The following TSC22D2 variants were observed in gnomAD, a reference collection of about 807,000 sequenced individuals.
TSC22D2 encodes the protein TSC22 domain family member 2.
A neutral mutation model predicts 50.1 loss-of-function variants in TSC22D2; 5 were observed. The observed-to-expected ratio is 0.10, with a 90% CI of 0.05 to 0.21. The LOEUF (loss-of-function observed/expected upper bound fraction) is 0.21. Among genes scored for constraint, TSC22D2 ranks in the 10% least tolerant of loss-of-function variants. The pLI, the probability that TSC22D2 is intolerant of heterozygous loss-of-function variation, is 1.00. For synonymous variants in TSC22D2, 501 were observed against 450.1 expected (o/e 1.11, Z -1.43); for missense variants, 1,003 against 1,015.5 (o/e 0.99, Z 0.17).
At chr3:150,416,232 G>A (rs1177353597) in intron 1 of TSC22D2, among the ~76,000 whole-genome samples, 1 of 152,178 alleles carries the variant, frequency 6.6e-6, no homozygotes, top group Non-Finnish European at 1.5e-5. Context: ...TTAGTCCAGT[G>A]TGTATTTCCT....
Position 150,458,525 on chromosome 3 carries a change from A to G in TSC22D2, c.2160A>G (p.Gln720=), listed in dbSNP as rs771989640. The part of the protein sequence containing the change: ...KSLSSNDQLS[Q]LPTQQANPGS... ...TTTCAAGCAATGATCAATTATCCCA[A>G]CTCCCAACCCAACAGGCCAATCCTG... Residue 720 remains glutamine, a synonymous_variant, in exon 3 of 3, where the codon CAA becomes CAG. Coordinates refer to ENST00000688009, the MANE Select transcript of TSC22D2 (RefSeq NM_001303264.2). 36 of 1,613,918 alleles carry G rather than the reference A, an allele frequency of 2.2e-5. No individual in the cohort carries two copies. In the South Asian group the frequency reaches 3.7e-4, roughly 17 times the overall value.
At chr3:150,453,519 A>G (rs1412809448) in intron 1 of TSC22D2, among the ~76,000 whole-genome samples, 1 of 152,176 alleles carries the variant, frequency 6.6e-6, no homozygotes, top group African/African-American at 2.4e-5. Context: ...TTCTATCTGA[A>G]TCGCCTAGAG....
rs1485016469 is a variant in TSC22D2 at position 150,464,716 on chromosome 3, A to G, written c.*6080A>G. 6.6e-6 allele frequency: 1 copy of G among 152,216 alleles called. No homozygotes were observed. Among genetic ancestry groups the G allele is most frequent in the Non-Finnish European group, 1.5e-5 (1 of 68,030 alleles). 9.4% of individuals were successfully genotyped at this position (152,216 alleles called of 1,614,324 possible). A position where few individuals can be genotyped will look rare whatever the true frequency, so the allele number is the denominator to read the frequency against. ...CAGGAAACAACTTTAAATCACCAGAAAGCTTTAACATCAAATAATACTTTT... is the reference window on the plus strand; with the variant it reads ...CAGGAAACAACTTTAAATCACCAGAGAGCTTTAACATCAAATAATACTTTT... On this transcript the variant is annotated 3_prime_UTR_variant, in exon 3 of 3. Transcript: ENST00000688009.
Position 150,409,569 on chromosome 3 carries a change from C to T in TSC22D2, c.219C>T (p.Asn73=). 3 of 1,600,834 alleles carry T rather than the reference C, an allele frequency of 1.9e-6. No individual in the cohort carries two copies. Among genetic ancestry groups the T allele is most frequent in the Non-Finnish European group, 2.6e-6 (3 of 1,169,620 alleles). The change falls in exon 1 of 3, where the codon AAC becomes AAT. Residue 73 remains asparagine, a synonymous_variant. Transcript: ENST00000688009. This position sits in a 1 kb window ranked among gnomAD's most constrained non-coding sequence, Gnocchi z 7.4. ...CERSSSEETL[N]NVGDAETPGT... ...GCAGCTCTTCCGAAGAGACGCTTAACAATGTTGGGGATGCGGAGACTCCCG... is the reference window on the plus strand; with the variant it reads ...GCAGCTCTTCCGAAGAGACGCTTAATAATGTTGGGGATGCGGAGACTCCCG...
At chr3:150,457,194 C>A (rs1234498810) in intron 2 of TSC22D2, 67 bp downstream of exon 2, 23 of 1,431,904 alleles carry the variant, frequency 1.6e-5, no homozygotes, top group Non-Finnish European at 1.7e-5. Context: ...TAGCTTTTGT[C>A]AGTTTTAGAA....
At chr3:150,411,548 CAAA>C (rs1192635505) in intron 1 of TSC22D2, among the ~76,000 whole-genome samples, 1 of 151,974 alleles carries the variant, frequency 6.6e-6, no homozygotes, top group African/African-American at 2.4e-5. Context: ...ATTGTTTACT[CAAA>C]AAAAGGTGAA....
chr3:150,459,672 A>C lies in TSC22D2; in HGVS notation c.*1036A>C, dbSNP rs190978725. The stretch of plus-strand genomic sequence containing the variant: ...ACAATTTTCTTTACTGTCTAGCATG[A>C]TCTGCATGACCTATAATCTTTGAAC... On this transcript the variant is annotated 3_prime_UTR_variant, in exon 3 of 3. Coordinates refer to ENST00000688009, the MANE Select transcript of TSC22D2 (RefSeq NM_001303264.2). 2 of 145,626 alleles carry C rather than the reference A, an allele frequency of 1.4e-5. No homozygotes were observed. Among genetic ancestry groups the C allele is most frequent in the East Asian group, 4.0e-4 (2 of 4,956 alleles). The allele number at this position is 145,626 out of a possible 1,614,324, so 9.0% of individuals were successfully genotyped here.
At chr3:150,450,465 T>A (rs1013945498) in intron 1 of TSC22D2, among the ~76,000 whole-genome samples, 3 of 152,136 alleles carry the variant, frequency 2.0e-5, no homozygotes, top group South Asian at 2.1e-4. Flanking sequence ...GGTTTTTTTT[T>A]AATCATGAAA....
intron 1 of TSC22D2, among the ~76,000 whole-genome samples, chr3:150,449,392 C>T (rs1720974902): frequency 6.6e-6 from 1 of 152,140 alleles, no homozygotes; most frequent in African/African-American, 2.4e-5. Flanking sequence ...CCTGCATCTG[C>T]CTGCCTTCCC....
chr3:150,436,235 A>C (rs888228695), intron 1 of TSC22D2, among the ~76,000 whole-genome samples: 1 of 151,852 alleles, frequency 6.6e-6, no homozygotes, highest in African/African-American at 2.4e-5. Context: ...CACCCTTAAA[A>C]TTTTTTTTTG....
Position 150,461,116 on chromosome 3 carries a change from A to C in TSC22D2, c.*2480A>C, listed in dbSNP as rs550204146. On this transcript the variant is annotated 3_prime_UTR_variant, in exon 3 of 3. Transcript: ENST00000688009. ...CTTTCCTGTGTACTTTTAGAAAGTA[A>C]TTTGGCAGTATGTATCTAGAGCCTT... 1.8e-4 allele frequency: 28 copies of C among 152,318 alleles called. No homozygotes were observed. The highest frequency in any genetic ancestry group is 6.0e-4 in the African/African-American group (25 of 41,580). 9.4% of individuals were successfully genotyped at this position (152,318 alleles called of 1,614,324 possible). A position where few individuals can be genotyped will look rare whatever the true frequency, so the allele number is the denominator to read the frequency against.
chr3:150,409,325 C>G lies in TSC22D2; in HGVS notation c.-26C>G, dbSNP rs761510319. The G allele has an allele frequency of 2.0e-5, 32 of 1,563,688 alleles. No individual in the cohort carries two copies. Among genetic ancestry groups the G allele is most frequent in the East Asian group, 1.4e-4 (6 of 44,072 alleles). Reference sequence around the variant, plus strand: ...ACAGGACCCAGAGGAGCCGGCGTGCCTCTCTGCCCTCCAGCCTTCTTCACC... The same window carrying G: ...ACAGGACCCAGAGGAGCCGGCGTGCGTCTCTGCCCTCCAGCCTTCTTCACC... On this transcript the variant is annotated 5_prime_UTR_variant, in exon 1 of 3. Coordinates refer to ENST00000688009, the MANE Select transcript of TSC22D2 (RefSeq NM_001303264.2). The surrounding 1 kb of genome is among the most constrained non-coding windows in gnomAD (Gnocchi z 7.4).
At position 150,416,523 on chromosome 3, in the gene TSC22D2, G is replaced by A. The variant is rs545750422; in HGVS notation, c.1958+5215G>A. On this transcript the variant is annotated intron_variant, in intron 1 of 2. Transcript: ENST00000688009. Reference sequence around the variant, plus strand: ...CTTGTGATTTGAGGCTACTGTTTTCGATGGTATTGTATTGAGTCCACAGAG... The same window carrying A: ...CTTGTGATTTGAGGCTACTGTTTTCAATGGTATTGTATTGAGTCCACAGAG... Among the ~76,000 whole-genome samples the A allele has an allele frequency of 7.2e-5, 11 of 152,068 alleles. No homozygotes were observed. The Middle Eastern group carries it at 0.01, about 141-fold the overall frequency.
At chr3:150,413,861 T>C (rs1360683562) in intron 1 of TSC22D2, among the ~76,000 whole-genome samples, 2 of 146,652 alleles carry the variant, frequency 1.4e-5, no homozygotes, top group African/African-American at 2.5e-5. Context: ...TAAGGAAATA[T>C]TTGTAAATAA....
Position 150,410,625 on chromosome 3 carries a change from G to A in TSC22D2, c.1275G>A (p.Gln425=), listed in dbSNP as rs1192319158. The change falls in exon 1 of 3, where the codon CAG becomes CAA. Residue 425 remains glutamine (Q), a synonymous_variant. Transcript: ENST00000688009. ...TGQNASSVGA[Q]LMGASSQPSE... Reference sequence around the variant, plus strand: ...AGAATGCTTCCTCGGTGGGCGCGCAGCTCATGGGCGCGTCTTCCCAGCCCA... The same window carrying A: ...AGAATGCTTCCTCGGTGGGCGCGCAACTCATGGGCGCGTCTTCCCAGCCCA... The A allele has an allele frequency of 6.4e-7, 1 of 1,554,236 alleles. No individual in the cohort carries two copies. Among genetic ancestry groups the A allele is most frequent in the Non-Finnish European group, 8.7e-7 (1 of 1,152,048 alleles).
At position 150,409,982 on chromosome 3, in the gene TSC22D2, C is replaced by G; in HGVS notation, c.632C>G (p.Thr211Ser). Residue 211 changes from threonine to serine, a missense_variant, in exon 1 of 3, where the codon ACT becomes AGT. Around this residue, in one of 6 missense-constraint regions of TSC22D2, gnomAD observed 696 missense variants for 647.8 expected, o/e 1.07. Transcript: ENST00000688009. The surrounding 1 kb of genome is among the most constrained non-coding windows in gnomAD (Gnocchi z 7.4). The part of the protein sequence containing the change: ...CIRHSSTFDQ[T>S]AERDSGLGAT... ...AGACACAGCAGTACTTTTGACCAGA[C>G]TGCGGAGCGGGACAGCGGCCTGGGC... is the stretch of plus-strand genomic sequence containing the variant. The G allele has an allele frequency of 6.2e-7, 1 of 1,613,856 alleles. No individual in the cohort carries two copies. Among genetic ancestry groups the G allele is most frequent in the Non-Finnish European group, 8.5e-7 (1 of 1,180,036 alleles).
intron 1 of TSC22D2, among the ~76,000 whole-genome samples, chr3:150,422,596 T>C (rs986301088): frequency 2.0e-5 from 3 of 152,244 alleles, no homozygotes; most frequent in African/African-American, 7.2e-5. Flanking sequence ...AAACCTTTGC[T>C]ACTTTTAACA....
At chr3:150,416,688 C>T (rs1424429325) in intron 1 of TSC22D2, among the ~76,000 whole-genome samples, 1 of 152,078 alleles carries the variant, frequency 6.6e-6, no homozygotes, top group Non-Finnish European at 1.5e-5. Context: ...AAGGTAGGAA[C>T]AGTAGCCAGT....
At position 150,463,783 on chromosome 3, in the gene TSC22D2, AT is replaced by A. The variant is rs1355547583; in HGVS notation, c.*5151del. On this transcript the variant is annotated 3_prime_UTR_variant, in exon 3 of 3. Coordinates refer to ENST00000688009, the MANE Select transcript of TSC22D2 (RefSeq NM_001303264.2). The stretch of plus-strand genomic sequence containing the variant: ...TCATCAAATAAGAAAAATAAGACAG[AT>A]TTTCAGATTGGTGATGGCAAAGTAA... 1 of 152,080 alleles carries A rather than the reference AT, an allele frequency of 6.6e-6. No homozygotes were observed. Among genetic ancestry groups the A allele is most frequent in the Non-Finnish European group, 1.5e-5 (1 of 68,002 alleles). 9.4% of individuals were successfully genotyped at this position (152,080 alleles called of 1,614,324 possible). A position where few individuals can be genotyped will look rare whatever the true frequency, so the allele number is the denominator to read the frequency against.
Sources: allele counts gnomAD v4.1 joint callset (sites outside exome capture counted in the v4.1 genomes callset), GRCh38; gene constraint gnomAD v4.1.1; regional missense constraint gnomAD v4.1.1; non-coding constraint Gnocchi (gnomAD v3.1); transcripts MANE v1.5; gene names NCBI Gene and HGNC (gene_info 2026-07-23, HGNC 2026-07-21).